ARHGAP42: variants seen among roughly 807,000 people sequenced by gnomAD.
ARHGAP42 encodes the protein Rho GTPase activating protein 42.
A neutral mutation model predicts 125.0 loss-of-function variants in ARHGAP42; 63 were observed. The ratio of observed to expected loss-of-function variants is 0.50; its 90% CI spans 0.41 to 0.62. The LOEUF is 0.62. Among genes scored for constraint, ARHGAP42 ranks in the 20% least tolerant of loss-of-function variants. The pLI is 0.00. For missense variants in ARHGAP42, 766 were observed against 1,024.2 expected, an observed-to-expected ratio of 0.75 and a Z score of 3.44; for synonymous variants, 339 against 351.0, an observed-to-expected ratio of 0.97 and a Z score of 0.38.
chr11:100,896,031 C>G (rs1442000565), intron 4 of ARHGAP42, among the ~76,000 whole-genome samples: 4 of 152,044 alleles, frequency 2.6e-5, no homozygotes, highest in Non-Finnish European at 5.9e-5. Flanking sequence ...TGTGATGTAC[C>G]CTGCCCTGTG....
intron 1 of ARHGAP42, among the ~76,000 whole-genome samples, chr11:100,764,524 G>C (rs139029372): frequency 2.6e-5 from 4 of 152,298 alleles, no homozygotes; most frequent in Non-Finnish European, 4.4e-5. Flanking sequence ...GAAAAAGTAA[G>C]ACATCTTGCC....
At chr11:100,687,871 G>A in intron 1 of ARHGAP42, 39 bp downstream of exon 1, 1 of 1,508,564 alleles carries the variant, frequency 6.6e-7, no homozygotes, top group Non-Finnish European at 8.9e-7. Context: ...CCCGCATCTG[G>A]AGAGTCCCCG....
intron 12 of ARHGAP42, among the ~76,000 whole-genome samples, chr11:100,957,499 A>G (rs1857836007): frequency 6.6e-6 from 1 of 152,104 alleles, no homozygotes; most frequent in African/African-American, 2.4e-5. Flanking sequence ...AGAGCTGAGA[A>G]TTGGCCTTAG....
chr11:100,921,693 T>A, intron 6 of ARHGAP42, 89 bp downstream of exon 6: 1 of 806,736 alleles, frequency 1.2e-6, no homozygotes, highest in Non-Finnish European at 1.9e-6. Flanking sequence ...ATAATTTTTC[T>A]TGAAAATTAT....
chr11:100,973,096 C>T, intron 17 of ARHGAP42, 79 bp from the exon 18 acceptor site: 1 of 1,297,972 alleles, frequency 7.7e-7, no homozygotes, highest in Non-Finnish European at 1.0e-6. Context: ...ATTTTTTGCA[C>T]CACAAATTTG....
At chr11:100,808,280 C>A (rs1170710146) in intron 3 of ARHGAP42, among the ~76,000 whole-genome samples, 1 of 151,870 alleles carries the variant, frequency 6.6e-6, no homozygotes, top group Non-Finnish European at 1.5e-5. Flanking sequence ...TATATTTATG[C>A]ACTACAGAAG....
Position 100,979,060 on chromosome 11 carries a change from C to T in ARHGAP42, c.2456+11C>T. 17 of 1,551,360 alleles carry T rather than the reference C, an allele frequency of 1.1e-5. No homozygotes were observed. Among genetic ancestry groups the T allele is most frequent in the Non-Finnish European group, 1.5e-5 (17 of 1,146,642 alleles). On this transcript the variant is annotated intron_variant, in intron 22 of 23. Transcript: ENST00000298815. The stretch of plus-strand genomic sequence containing the variant: ...AGTTTCTTCTGGGCGGTAAGTTCTC[C>T]AAACCCTTAAATGCATCTAAAAAAA...
chr11:100,819,056 T>G (rs1166894218), intron 3 of ARHGAP42, among the ~76,000 whole-genome samples: 1 of 152,124 alleles, frequency 6.6e-6, no homozygotes, highest in Non-Finnish European at 1.5e-5. Flanking sequence ...AGAACTTTAA[T>G]GAGTATTTTT....
Position 100,770,576 on chromosome 11 carries a change from GA to G in ARHGAP42, c.250+140del, listed in dbSNP as rs1320899456. 3 of 690,758 alleles carry G rather than the reference GA, an allele frequency of 4.3e-6. No individual in the cohort carries two copies. The African/African-American group carries it at 5.6e-5, about 13-fold the overall frequency. 42.8% of individuals were successfully genotyped at this position (690,758 alleles called of 1,614,324 possible). ...ATAAGAGTGATTTTAGGTTTCTATG[GA>G]AGAAATTTTTTCTTTTTGGAGACAG... On this transcript the variant is annotated intron_variant, in intron 2 of 23. Transcript: ENST00000298815.
chr11:100,704,513 T>G (rs1242661512), intron 1 of ARHGAP42, among the ~76,000 whole-genome samples: 2 of 152,216 alleles, frequency 1.3e-5, no homozygotes, highest in African/African-American at 4.8e-5. Context: ...CTTCCCAGTA[T>G]TGCCTTCATT....
At chr11:100,936,822 T>G (rs535098196) in intron 8 of ARHGAP42, among the ~76,000 whole-genome samples, 1 of 152,354 alleles carries the variant, frequency 6.6e-6, no homozygotes, top group South Asian at 2.1e-4. Context: ...AGAGCACTAT[T>G]ATAATTGCCT....
intron 2 of ARHGAP42, among the ~76,000 whole-genome samples, chr11:100,783,593 G>A (rs926164283): frequency 2.6e-5 from 4 of 152,180 alleles, no homozygotes; most frequent in African/African-American, 7.2e-5. Flanking sequence ...CACGAAAGCT[G>A]TAAGGGCCAC....
chr11:100,860,721 C>T (rs937977022), intron 4 of ARHGAP42, among the ~76,000 whole-genome samples: 2 of 152,092 alleles, frequency 1.3e-5, no homozygotes, highest in Non-Finnish European at 2.9e-5. Context: ...CCTTCCAGAA[C>T]CTATTTGGTT....
intron 4 of ARHGAP42, among the ~76,000 whole-genome samples, chr11:100,885,751 T>C (rs1439746419): frequency 2.0e-5 from 3 of 152,198 alleles, no homozygotes; most frequent in Admixed American, 1.3e-4. Context: ...GACCAAATTT[T>C]TATAATTTTA....
At position 100,961,748 on chromosome 11, in the gene ARHGAP42, T is replaced by A; in HGVS notation, c.1365T>A (p.Ser455Arg). 1 of 1,551,710 alleles carries A rather than the reference T, an allele frequency of 6.4e-7. No individual in the cohort carries two copies. The highest frequency in any genetic ancestry group is 8.7e-7 in the Non-Finnish European group (1 of 1,146,826). Residue 455 changes from serine to arginine, a missense_variant, in exon 15 of 24, where the codon AGT (serine) becomes AGA (arginine). Ser to Arg is a moderately radical substitution (Grantham distance 110, BLOSUM62 -1). This residue lies in a region of ARHGAP42 where 455 missense variants were observed against 636.5 expected (regional missense o/e 0.71). Coordinates refer to ENST00000298815, the MANE Select transcript of ARHGAP42 (RefSeq NM_152432.4). ...IELWDNKTIT[S>R]GLKNYLRCLA... ...TGTGGGACAATAAGACGATAACAAG[T>A]GGGCTGAAAAACTACCTCAGGTGAG...
chr11:100,751,305 G>A (rs1430561074), intron 1 of ARHGAP42, among the ~76,000 whole-genome samples: 2 of 133,594 alleles, frequency 1.5e-5, no homozygotes, highest in African/African-American at 3.0e-5. Flanking sequence ...TTTTTGAAAG[G>A]GAGCCTTGCT....
chr11:100,961,982 A>C (rs1857967017), intron 15 of ARHGAP42, among the ~76,000 whole-genome samples: 1 of 152,172 alleles, frequency 6.6e-6, no homozygotes, highest in African/African-American at 2.4e-5. Context: ...AGGCTATATA[A>C]TATTTTGAGT....
intron 16 of ARHGAP42, among the ~76,000 whole-genome samples, chr11:100,963,468 C>G (rs1355591390): frequency 6.6e-6 from 1 of 152,120 alleles, no homozygotes; most frequent in African/African-American, 2.4e-5. Flanking sequence ...TGACTACAAC[C>G]AGATTATTTT....
intron 6 of ARHGAP42, among the ~76,000 whole-genome samples, chr11:100,930,752 G>C (rs1867553850): frequency 1.3e-5 from 2 of 152,168 alleles, no homozygotes; most frequent in South Asian, 4.1e-4. Context: ...CAAAATCTGT[G>C]TCAAAATACG....
Sources: allele counts gnomAD v4.1 joint callset (sites outside exome capture counted in the v4.1 genomes callset), GRCh38; gene constraint gnomAD v4.1.1; regional missense constraint gnomAD v4.1.1; transcripts MANE v1.5; gene names NCBI Gene and HGNC (gene_info 2026-07-23, HGNC 2026-07-21).